NDST4: variants seen among roughly 807,000 people sequenced by gnomAD.
NDST4 encodes the protein N-heparan sulfate sulfotransferase 4.
In NDST4, 63 loss-of-function variants were observed where a neutral mutation model predicts 100.8. The observed-to-expected ratio is 0.62, with a 90% CI of 0.51 to 0.77. The LOEUF is 0.77. Among genes scored for constraint, NDST4 ranks in the 30% least tolerant of loss-of-function variants. The probability of loss-of-function intolerance (pLI) is 0.00; values close to 1 mark genes in which losing one functional copy is unlikely to be tolerated. For missense variants in NDST4, 943 were observed against 1,018.4 expected (o/e 0.93, Z 1.01); for synonymous variants, 377 against 361.8 (o/e 1.04, Z -0.48).
intron 7 of NDST4, among the ~76,000 whole-genome samples, chr4:114,858,654 C>A (rs1292044283): frequency 6.6e-6 from 1 of 152,054 alleles, no homozygotes; most frequent in Non-Finnish European, 1.5e-5. Flanking sequence ...TCTACTGTAC[C>A]CTTTGTCCAA....
In NDST4 at chr4:115,076,697, T is replaced by C. The variant is rs1729192465; in HGVS notation, c.340A>G (p.Lys114Glu). ...FQYHMVIAPG[K>E]GDIPPLTDNG... ...TCTGTAAGAGGAGGTATATCTCCCTTTCCAGGGGCAATAACCATGTGGTAC... is the reference window on the plus strand; with the variant it reads ...TCTGTAAGAGGAGGTATATCTCCCTCTCCAGGGGCAATAACCATGTGGTAC... The change falls in exon 2 of 14, where the codon AAG becomes GAG. Residue 114 changes from lysine (K) to glutamate (E), a missense_variant. Physicochemically the swap from Lys to Glu is moderately conservative, Grantham distance 56. Coordinates refer to ENST00000264363, the MANE Select transcript of NDST4 (RefSeq NM_022569.3). 1 of 1,613,952 alleles carries C rather than the reference T, an allele frequency of 6.2e-7. No homozygotes were observed. Among genetic ancestry groups the C allele is most frequent in the Non-Finnish European group, 8.5e-7 (1 of 1,179,926 alleles).
At chr4:114,972,752 T>C (rs940199642) in intron 3 of NDST4, among the ~76,000 whole-genome samples, 1 of 152,000 alleles carries the variant, frequency 6.6e-6, no homozygotes, top group Non-Finnish European at 1.5e-5. Flanking sequence ...AATGCTTCCA[T>C]TCATTTTAAA....
At chr4:115,095,034 C>T (rs939772991) in intron 1 of NDST4, among the ~76,000 whole-genome samples, 4 of 152,260 alleles carry the variant, frequency 2.6e-5, no homozygotes, top group South Asian at 2.1e-4. Flanking sequence ...AGGCTCCCAA[C>T]ACAATGTCAG....
intron 9 of NDST4, 134 bp from the exon 10 acceptor site, chr4:114,846,131 T>C (rs929448064): frequency 4.3e-5 from 33 of 762,060 alleles, no homozygotes; most frequent in Non-Finnish European, 6.1e-5. Context: ...GTTTAAATAA[T>C]AGATATTCTA....
At position 115,039,503 on chromosome 4, in the gene NDST4, A is replaced by G. The variant is rs143349301; in HGVS notation, c.978+36556T>C. ...AAGTGAAAATAGGACAAATAAATTG[A>G]TATAAAAGATGTGTGTGCATTATTC... On this transcript the variant is annotated intron_variant, in intron 2 of 13. Coordinates refer to ENST00000264363, the MANE Select transcript of NDST4 (RefSeq NM_022569.3). Among the ~76,000 whole-genome samples the G allele has an allele frequency of 3.5e-3, 526 of 152,296 alleles. 3 individuals are homozygous for G. Among genetic ancestry groups the G allele is most frequent in the African/African-American group, 0.01 (422 of 41,570 alleles).
intron 2 of NDST4, among the ~76,000 whole-genome samples, chr4:115,007,058 TC>T (rs753181674): frequency 1.3e-4 from 20 of 152,330 alleles, no homozygotes; most frequent in Non-Finnish European, 2.1e-4. Flanking sequence ...AGGGCTTAAT[TC>T]CCGTATAAAA....
chr4:114,845,619 T>C lies in NDST4; in HGVS notation c.2115+204A>G, dbSNP rs74631032. Among the ~76,000 whole-genome samples, 114 of 152,324 alleles carry C rather than the reference T, an allele frequency of 7.5e-4. 2 individuals carry two copies. In the East Asian group the frequency reaches 0.02, roughly 26 times the overall value. ...TGGTGATGTGTGAGTTTTTAAATAATTATTTTATGCCTGAAAGTCCTTGCC... is the reference window on the plus strand; with the variant it reads ...TGGTGATGTGTGAGTTTTTAAATAACTATTTTATGCCTGAAAGTCCTTGCC... On this transcript the variant is annotated intron_variant, in intron 10 of 13. Transcript: ENST00000264363.
At chr4:115,072,772 C>T (rs1273850473) in intron 2 of NDST4, among the ~76,000 whole-genome samples, 2 of 151,810 alleles carry the variant, frequency 1.3e-5, no homozygotes, top group African/African-American at 4.8e-5. Context: ...TGATGTTGGT[C>T]TGGGCAAGAT....
At chr4:115,070,586 C>T (rs952299298) in intron 2 of NDST4, among the ~76,000 whole-genome samples, 2 of 151,996 alleles carry the variant, frequency 1.3e-5, no homozygotes, top group African/African-American at 4.8e-5. Context: ...TTTAGGTATA[C>T]AGTTAAATTT....
At chr4:114,919,073 C>G (rs1725236724) in intron 6 of NDST4, among the ~76,000 whole-genome samples, 2 of 152,118 alleles carry the variant, frequency 1.3e-5, no homozygotes. Flanking sequence ...CAGAATTGAT[C>G]TCATTTGCAT....
rs74643131 is a variant in NDST4 at position 114,841,262 on chromosome 4, C to T, written c.2116-1714G>A. ...AGCACTATAGCTCCTCTGCGAGGTCCGTTATAAAAATGTGGGGTAGAAATT... is the reference window on the plus strand; with the variant it reads ...AGCACTATAGCTCCTCTGCGAGGTCTGTTATAAAAATGTGGGGTAGAAATT... On this transcript the variant is annotated intron_variant, in intron 10 of 13. Transcript: ENST00000264363. Among the ~76,000 whole-genome samples the T allele has an allele frequency of 8.3e-3, 1,268 of 152,140 alleles. 15 individuals carry two copies. Among genetic ancestry groups the T allele is most frequent in the African/African-American group, 0.029 (1,205 of 41,504 alleles).
intron 2 of NDST4, among the ~76,000 whole-genome samples, chr4:115,045,964 T>C (rs750801360): frequency 2.6e-5 from 4 of 152,154 alleles, no homozygotes; most frequent in Non-Finnish European, 4.4e-5. Context: ...CTCAATCATA[T>C]TTACCGGAAG....
intron 6 of NDST4, among the ~76,000 whole-genome samples, chr4:114,914,149 A>C (rs1725120081): frequency 6.6e-6 from 1 of 152,024 alleles, no homozygotes; most frequent in Non-Finnish European, 1.5e-5. Flanking sequence ...GAATTCATGG[A>C]GATAGAGAGT....
chr4:115,084,834 C>T (rs567845605), intron 1 of NDST4, among the ~76,000 whole-genome samples: 16 of 151,646 alleles, frequency 1.1e-4, no homozygotes, highest in Admixed American at 2.6e-4. Flanking sequence ...TCATGGAGAA[C>T]CTCTTCTAGG....
At chr4:115,012,668 A>G (rs1727577844) in intron 2 of NDST4, among the ~76,000 whole-genome samples, 1 of 152,010 alleles carries the variant, frequency 6.6e-6, no homozygotes, top group African/African-American at 2.4e-5. Context: ...CTACCATATG[A>G]TCCAGAAATC....
intron 4 of NDST4, among the ~76,000 whole-genome samples, chr4:114,961,315 A>G (rs1301687692): frequency 6.6e-6 from 1 of 152,098 alleles, no homozygotes; most frequent in Non-Finnish European, 1.5e-5. Context: ...CGTATTAAAT[A>G]TAAAGCAATT....
At chr4:114,981,727 A>G (rs1391279473) in intron 2 of NDST4, among the ~76,000 whole-genome samples, 1 of 152,178 alleles carries the variant, frequency 6.6e-6, no homozygotes, top group East Asian at 1.9e-4. Context: ...GGTGTTATGC[A>G]TATTTCTTAA....
intron 2 of NDST4, among the ~76,000 whole-genome samples, chr4:114,986,793 C>CATACATACATATATATATATATATAT (rs1553959380): frequency 1.1e-5 from 1 of 91,148 alleles, no homozygotes; most frequent in African/African-American, 4.5e-5. Context: ...TCCAATTATA[C>CATACATACATATATATATATATATAT]ATATATATAT....
At chr4:114,998,250 T>C (rs182791199) in intron 2 of NDST4, among the ~76,000 whole-genome samples, 1 of 152,282 alleles carries the variant, frequency 6.6e-6, no homozygotes, top group East Asian at 1.9e-4. Flanking sequence ...ACTTTCTCTT[T>C]GTCTATCCCC....
Sources: allele counts gnomAD v4.1 joint callset (sites outside exome capture counted in the v4.1 genomes callset), GRCh38; gene constraint gnomAD v4.1.1; transcripts MANE v1.5; gene names NCBI Gene and HGNC (gene_info 2026-07-23, HGNC 2026-07-21).